The following NEDD4L variants were observed in gnomAD, a reference collection of about 807,000 sequenced individuals.
The protein encoded by NEDD4L is E3 ubiquitin-protein ligase NEDD4-like.
A neutral mutation model predicts 148.9 loss-of-function variants in NEDD4L; 54 were observed. The observed-to-expected ratio is 0.36, with a 90% CI of 0.29 to 0.45. NEDD4L has a LOEUF of 0.45. Ranked by LOEUF, NEDD4L falls within the 20% of genes least tolerant of loss-of-function variation. The pLI, the probability that NEDD4L is intolerant of heterozygous loss-of-function variation, is 1.00. For missense variants in NEDD4L, 856 were observed against 1,233.8 expected, an observed-to-expected ratio of 0.69 and a Z score of 4.59; for synonymous variants, 433 against 440.7, an observed-to-expected ratio of 0.98 and a Z score of 0.22.
intron 5 of NEDD4L, among the ~76,000 whole-genome samples, chr18:58,301,605 T>C (rs531883817): frequency 3.3e-5 from 5 of 152,324 alleles, no homozygotes; most frequent in African/African-American, 1.2e-4. Flanking sequence ...TGAGAGACGC[T>C]CAGAGAGGCT....
intron 25 of NEDD4L, among the ~76,000 whole-genome samples, chr18:58,383,567 T>C (rs936365257): frequency 2.0e-5 from 3 of 152,232 alleles, no homozygotes; most frequent in Admixed American, 6.5e-5. Context: ...GTCTATATTA[T>C]TGAGTAATAC....
chr18:58,052,767 A>T (rs1302729086), intron 1 of NEDD4L, among the ~76,000 whole-genome samples: 1 of 152,018 alleles, frequency 6.6e-6, no homozygotes, highest in Admixed American at 6.6e-5. Context: ...GGAGTTCAAG[A>T]CCAGCCTGAC....
intron 2 of NEDD4L, among the ~76,000 whole-genome samples, chr18:58,179,499 G>A (rs1337506622): frequency 6.6e-6 from 1 of 151,902 alleles, no homozygotes; most frequent in Admixed American, 6.6e-5. Context: ...CTCCTGTGGC[G>A]TGTTAGGAAG....
At chr18:58,369,694 G>T (rs1320508806) in intron 22 of NEDD4L, among the ~76,000 whole-genome samples, 6 of 152,174 alleles carry the variant, frequency 3.9e-5, no homozygotes, top group Admixed American at 3.3e-4. Flanking sequence ...GGTGGGGTCA[G>T]GACCCCCTGT....
intron 1 of NEDD4L, among the ~76,000 whole-genome samples, chr18:58,077,156 A>G (rs2083208242): frequency 7.4e-6 from 1 of 135,200 alleles, no homozygotes; most frequent in Non-Finnish European, 1.5e-5. Flanking sequence ...CAGCCTCATA[A>G]CGGCTTTTTT....
intron 1 of NEDD4L, among the ~76,000 whole-genome samples, chr18:58,164,892 A>G (rs956074199): frequency 6.6e-6 from 1 of 152,202 alleles, no homozygotes; most frequent in Non-Finnish European, 1.5e-5. Context: ...CCATTTAGTG[A>G]TACATGTTTT....
rs571832038 is a variant in NEDD4L, at chr18:58,377,834, CCTA to C, written c.2352+4568_2352+4570del. 2.5e-3 allele frequency among the ~76,000 whole-genome samples: 386 copies of C among 152,342 alleles called. 1 individual carries two copies. The highest frequency in any genetic ancestry group is 0.01 in the Middle Eastern group (3 of 294). On this transcript the variant is annotated intron_variant, in intron 24 of 30. Transcript: ENST00000400345. ...TATCGGCTCACTGCAACCTCTGCCTCCTACTTTCAAGCAATTCTCAATGCCTCA... is the reference window on the plus strand; with the variant it reads ...TATCGGCTCACTGCAACCTCTGCCTCCTTTCAAGCAATTCTCAATGCCTCA...
At chr18:58,364,371 T>G (rs1477308139) in intron 20 of NEDD4L, 38 bp downstream of exon 20, 1 of 1,367,722 alleles carries the variant, frequency 7.3e-7, no homozygotes, top group Admixed American at 2.1e-5. Context: ...TTTGTGTTAG[T>G]CATTTGTAAG....
intron 1 of NEDD4L, among the ~76,000 whole-genome samples, chr18:58,057,531 A>G (rs1446955623): frequency 6.6e-6 from 1 of 152,166 alleles, no homozygotes; most frequent in Non-Finnish European, 1.5e-5. Context: ...TGGATGGGGT[A>G]GGCACTGGCA....
At chr18:58,282,261 G>T (rs1303767748) in intron 5 of NEDD4L, among the ~76,000 whole-genome samples, 1 of 151,820 alleles carries the variant, frequency 6.6e-6, no homozygotes, top group Non-Finnish European at 1.5e-5. Context: ...TTAAAATGCT[G>T]TCATTAGCTG....
At chr18:58,081,142 A>C (rs977400636) in intron 1 of NEDD4L, among the ~76,000 whole-genome samples, 1 of 150,118 alleles carries the variant, frequency 6.7e-6, no homozygotes, top group African/African-American at 2.5e-5. Context: ...TTGGCACTTC[A>C]TTTCTATTTG....
intron 5 of NEDD4L, among the ~76,000 whole-genome samples, chr18:58,267,182 G>A (rs1394987888): frequency 2.0e-5 from 3 of 152,024 alleles, no homozygotes; most frequent in Non-Finnish European, 2.9e-5. Flanking sequence ...ACAAGAATAT[G>A]CTCCTGAAGT....
At chr18:58,276,594 T>G (rs1313946430) in intron 5 of NEDD4L, among the ~76,000 whole-genome samples, 1 of 151,972 alleles carries the variant, frequency 6.6e-6, no homozygotes, top group Non-Finnish European at 1.5e-5. Flanking sequence ...ATGACAATAC[T>G]TGCAGTAGAG....
chr18:58,129,213 G>A (rs565111335), intron 1 of NEDD4L, among the ~76,000 whole-genome samples: 4 of 152,338 alleles, frequency 2.6e-5, no homozygotes, highest in South Asian at 2.1e-4. Flanking sequence ...TGAGGCATCC[G>A]TGCCTACCCT....
At chr18:58,140,764 C>T (rs1234396535) in intron 1 of NEDD4L, among the ~76,000 whole-genome samples, 1 of 152,228 alleles carries the variant, frequency 6.6e-6, no homozygotes, top group East Asian at 1.9e-4. Flanking sequence ...CTGAATTAAA[C>T]CTTTGTGTCG....
chr18:58,163,418 G>A (rs1568311388), intron 1 of NEDD4L, among the ~76,000 whole-genome samples: 1 of 152,214 alleles, frequency 6.6e-6, no homozygotes, highest in Non-Finnish European at 1.5e-5. Context: ...TTCCAGAGAT[G>A]GGCAGAGCAG....
At chr18:58,064,706 C>G (rs775652150) in intron 1 of NEDD4L, among the ~76,000 whole-genome samples, 1 of 152,166 alleles carries the variant, frequency 6.6e-6, no homozygotes. Flanking sequence ...GGGAAGTACT[C>G]GTTTACATAA....
At chr18:58,216,364 T>C (rs2043158085) in intron 2 of NEDD4L, among the ~76,000 whole-genome samples, 1 of 152,096 alleles carries the variant, frequency 6.6e-6, no homozygotes. Flanking sequence ...ATTTCCTGCT[T>C]AAGGTTGTAG....
At chr18:58,238,169 T>C (rs2046241858) in intron 2 of NEDD4L, among the ~76,000 whole-genome samples, 1 of 152,214 alleles carries the variant, frequency 6.6e-6, no homozygotes, top group African/African-American at 2.4e-5. Flanking sequence ...ATTGCCAGTA[T>C]TGGTGATGAG....
Sources: allele counts gnomAD v4.1 joint callset (sites outside exome capture counted in the v4.1 genomes callset), GRCh38; gene constraint gnomAD v4.1.1; transcripts MANE v1.5; gene names NCBI Gene and HGNC (gene_info 2026-07-23, HGNC 2026-07-21).